Variants in FGF11 observed in about 807,000 individuals in gnomAD.
FGF11 encodes the protein fibroblast growth factor 11, also known as fibroblast growth factor homologous factor 3.
FGF11 carries 25 observed loss-of-function variants against 25.1 expected under a neutral mutation model. The ratio of observed to expected loss-of-function variants is 1.00; its 90% CI spans 0.73 to 1.39. The LOEUF (loss-of-function observed/expected upper bound fraction) is 1.39. Ranked by LOEUF, FGF11 falls within the 40% of genes most tolerant of loss-of-function variation. The pLI is 0.00. For synonymous variants in FGF11, 130 were observed against 128.9 expected (o/e 1.01, Z -0.06); for missense variants, 320 against 311.0 (o/e 1.03, Z -0.22).
At chr17:7,441,329 G>T (rs997817553) in intron 1 of FGF11, 142 bp from the exon 2 acceptor site, 3 of 1,128,660 alleles carry the variant, frequency 2.7e-6, no homozygotes, top group Non-Finnish European at 3.7e-6. Context: ...GGGAGAGAGC[G>T]TGCTTGGAGG....
chr17:7,439,255 T>G, upstream of FGF11: 1 of 189,326 alleles, frequency 5.3e-6, no homozygotes, highest in Non-Finnish European at 1.1e-5. Context: ...TGCCTGAAGA[T>G]ATTTAAACCA....
At chr17:7,439,292 C>G, upstream of FGF11, 1 of 259,590 alleles carries the variant, frequency 3.9e-6, no homozygotes. Flanking sequence ...TGGGTCTTGG[C>G]TTTGGGATAG....
chr17:7,443,291 C>T lies in FGF11; in HGVS notation c.*145C>T, dbSNP rs1162150492. The T allele has an allele frequency of 3.4e-6, 2 of 591,240 alleles. No individual in the cohort carries two copies. Among genetic ancestry groups the T allele is most frequent in the South Asian group, 2.2e-5 (1 of 46,356 alleles). The allele number at this position is 591,240 out of a possible 1,614,324, so 36.6% of individuals were successfully genotyped here. A position where few individuals can be genotyped will look rare whatever the true frequency, so the allele number is the denominator to read the frequency against. The stretch of plus-strand genomic sequence containing the variant: ...CACTAGGTGCTCTACCCTGAGGGAG[C>T]CTAGGGGCTGACTGTGACTTCCGAG... On this transcript the variant is annotated 3_prime_UTR_variant, in exon 5 of 5. Coordinates refer to ENST00000293829, the MANE Select transcript of FGF11 (RefSeq NM_004112.4).
Position 7,440,886 on chromosome 17 carries a change from GC to G in FGF11, c.194-580del. 3.0e-6 allele frequency: 3 copies of G among 990,206 alleles called. No homozygotes were observed. The highest frequency in any genetic ancestry group is 3.6e-6 in the Non-Finnish European group (3 of 832,936). 61.3% of individuals were successfully genotyped at this position (990,206 alleles called of 1,614,324 possible). A position where few individuals can be genotyped will look rare whatever the true frequency, so the allele number is the denominator to read the frequency against. ...GAGGCTGAGCCTCAGGGAGAACTGG[GC>G]CCCCGGGAGCCAGCGGACTGACAGA... On this transcript the variant is annotated intron_variant, in intron 1 of 4. Coordinates refer to ENST00000293829, the MANE Select transcript of FGF11 (RefSeq NM_004112.4). This position sits in a 1 kb window ranked among gnomAD's most constrained non-coding sequence, Gnocchi z 5.4.
At chr17:7,442,457 G>A (rs1488594931) in intron 3 of FGF11, 137 bp from the exon 4 acceptor site, 5 of 1,519,022 alleles carry the variant, frequency 3.3e-6, no homozygotes, top group Non-Finnish European at 3.5e-6. Context: ...TTTGCTCCCA[G>A]GTCCTACATG....
Position 7,444,253 on chromosome 17 carries a change from ATAG to A in FGF11, c.*1111_*1113del, listed in dbSNP as rs978631157. On this transcript the variant is annotated 3_prime_UTR_variant, in exon 5 of 5. Transcript: ENST00000293829. ...GGAATTTTGGAAGGATCCCTGGCTCATAGTAGGGAAGCTGGGATGGGGGAGGGG... is the reference window on the plus strand; with the variant it reads ...GGAATTTTGGAAGGATCCCTGGCTCATAGGGAAGCTGGGATGGGGGAGGGG... 1 of 152,616 alleles carries A rather than the reference ATAG, an allele frequency of 6.6e-6. No individual in the cohort carries two copies. Among genetic ancestry groups the A allele is most frequent in the Non-Finnish European group, 1.5e-5 (1 of 68,030 alleles). The allele number at this position is 152,616 out of a possible 1,614,324, so 9.5% of individuals were successfully genotyped here. A position where few individuals can be genotyped will look rare whatever the true frequency, so the allele number is the denominator to read the frequency against.
chr17:7,442,590 T>G lies in FGF11; in HGVS notation c.409-4T>G, dbSNP rs376303395. The G allele has an allele frequency of 9.3e-6, 15 of 1,614,216 alleles. No individual in the cohort carries two copies. Among genetic ancestry groups the G allele is most frequent in the Non-Finnish European group, 1.3e-5 (15 of 1,180,026 alleles). ...TGCGCCTTTCTGGGTCTTTGTCTCCTTAGCCGCATTTCACAGCTGAGTGTC... is the reference window on the plus strand; with the variant it reads ...TGCGCCTTTCTGGGTCTTTGTCTCCGTAGCCGCATTTCACAGCTGAGTGTC... On this transcript the variant is annotated splice_region_variant and splice_polypyrimidine_tract_variant and intron_variant, in intron 3 of 4. Transcript: ENST00000293829.
At chr17:7,441,289 C>T (rs532474547) in intron 1 of FGF11, 182 bp from the exon 2 acceptor site, 2 of 762,636 alleles carry the variant, frequency 2.6e-6, no homozygotes, top group East Asian at 2.8e-5. Flanking sequence ...AAGGGACCCA[C>T]ACCAGCTTTC....
upstream of FGF11, chr17:7,439,367 A>C: frequency 2.7e-6 from 1 of 365,054 alleles, no homozygotes; most frequent in Non-Finnish European, 4.8e-6. Flanking sequence ...GCAAAACTCG[A>C]GGGTGGGATC....
intron 1 of FGF11, 83 bp downstream of exon 1, chr17:7,439,896 C>T (rs1908235793): frequency 1.7e-6 from 2 of 1,189,150 alleles, no homozygotes; most frequent in South Asian, 3.9e-5. Flanking sequence ...AGAATAGGGC[C>T]CGGCTGAGGG....
In FGF11 at chr17:7,440,998, C is replaced by G. The variant is rs1908297883; in HGVS notation, c.194-473C>G. On this transcript the variant is annotated intron_variant, in intron 1 of 4. Transcript: ENST00000293829. This position sits in a 1 kb window ranked among gnomAD's most constrained non-coding sequence, Gnocchi z 5.4. Reference sequence around the variant, plus strand: ...GCTCTCGCCAAGCTAGCGGCAGCCGCAGCAGGTGCTGAGTCAGCGTCAGGC... The same window carrying G: ...GCTCTCGCCAAGCTAGCGGCAGCCGGAGCAGGTGCTGAGTCAGCGTCAGGC... 1 of 992,500 alleles carries G rather than the reference C, an allele frequency of 1.0e-6. No individual in the cohort carries two copies. Among genetic ancestry groups the G allele is most frequent in the Admixed American group, 5.3e-5 (1 of 18,992 alleles). The allele number at this position is 992,500 out of a possible 1,614,324, so 61.5% of individuals were successfully genotyped here.
chr17:7,439,250 G>C (rs979340691), upstream of FGF11: 3 of 197,428 alleles, frequency 1.5e-5, no homozygotes, highest in African/African-American at 2.3e-5. Flanking sequence ...AAAGGTGCCT[G>C]AAGATATTTA....
Position 7,444,849 on chromosome 17 carries a change from C to T in FGF11, c.*1703C>T. 1.8e-6 allele frequency: 1 copy of T among 566,768 alleles called. No individual in the cohort carries two copies. Among genetic ancestry groups the T allele is most frequent in the East Asian group, 3.0e-5 (1 of 33,618 alleles). The allele number at this position is 566,768 out of a possible 1,614,324, so 35.1% of individuals were successfully genotyped here. ...TGCCCCCTCACCCACACAAACCCCA[C>T]TCAGTCTCCACCCAACTCCTGGCAC... On this transcript the variant is annotated 3_prime_UTR_variant, in exon 5 of 5. Transcript: ENST00000293829.
chr17:7,439,345 T>G, upstream of FGF11: 1 of 337,624 alleles, frequency 3.0e-6, no homozygotes, highest in East Asian at 4.8e-5. Context: ...AAGGGGACGT[T>G]TTCAATAGGA....
At chr17:7,441,740 G>A in intron 2 of FGF11, 36 bp from the exon 3 acceptor site, 1 of 1,573,586 alleles carries the variant, frequency 6.4e-7, no homozygotes. Flanking sequence ...GAGGGTCAGA[G>A]GCCTGGGTAT....
Position 7,440,525 on chromosome 17 carries a change from G to A in FGF11, c.193+712G>A, listed in dbSNP as rs1054127837. ...GCTAGAGATGGGCGCCGACTCGGGGGTCGTACCACCTACAAGGGGGGACAG... is the reference window on the plus strand; with the variant it reads ...GCTAGAGATGGGCGCCGACTCGGGGATCGTACCACCTACAAGGGGGGACAG... On this transcript the variant is annotated intron_variant, in intron 1 of 4. Coordinates refer to ENST00000293829, the MANE Select transcript of FGF11 (RefSeq NM_004112.4). This position sits in a 1 kb window ranked among gnomAD's most constrained non-coding sequence, Gnocchi z 5.4. 7 of 357,142 alleles carry A rather than the reference G, an allele frequency of 2.0e-5. No individual in the cohort carries two copies. Among genetic ancestry groups the A allele is most frequent in the African/African-American group, 1.3e-4 (6 of 45,126 alleles). 22.1% of individuals were successfully genotyped at this position (357,142 alleles called of 1,614,324 possible). A position where few individuals can be genotyped will look rare whatever the true frequency, so the allele number is the denominator to read the frequency against.
Position 7,444,727 on chromosome 17 carries a change from G to A in FGF11, c.*1581G>A, listed in dbSNP as rs1908509018. On this transcript the variant is annotated 3_prime_UTR_variant, in exon 5 of 5. Coordinates refer to ENST00000293829, the MANE Select transcript of FGF11 (RefSeq NM_004112.4). Reference sequence around the variant, plus strand: ...CTTCCATAGCCTCAGACTTGGATAGGGTAGGCTGAGGGGGCCCTAAGGGAG... The same window carrying A: ...CTTCCATAGCCTCAGACTTGGATAGAGTAGGCTGAGGGGGCCCTAAGGGAG... 4 of 283,758 alleles carry A rather than the reference G, an allele frequency of 1.4e-5. No homozygotes were observed. The allele number at this position is 283,758 out of a possible 1,614,324, so 17.6% of individuals were successfully genotyped here.
chr17:7,441,087 TC>T, intron 1 of FGF11: 1 of 428,778 alleles, frequency 2.3e-6, no homozygotes, highest in Non-Finnish European at 3.4e-6. Context: ...GCTGCCAAGA[TC>T]CCCCACCTTC....
chr17:7,439,714 C>A lies in FGF11; in HGVS notation c.94C>A (p.Pro32Thr). 2.5e-6 allele frequency: 4 copies of A among 1,570,768 alleles called. No homozygotes were observed. Among genetic ancestry groups the A allele is most frequent in the Non-Finnish European group, 3.4e-6 (4 of 1,163,436 alleles). The change falls in exon 1 of 5, where the codon CCC becomes ACC. Residue 32 changes from proline (P) to threonine (T), a missense_variant. Physicochemically the swap from Pro to Thr is conservative, Grantham distance 38. Coordinates refer to ENST00000293829, the MANE Select transcript of FGF11 (RefSeq NM_004112.4). The stretch of plus-strand genomic sequence containing the variant: ...GGTGTCGGCGCAGCGGCGCGTGTGT[C>A]CCCGCGGCACCAAGTCCCTTTGCCA... ...RPVSAQRRVC[P>T]RGTKSLCQKQ...
Sources: allele counts gnomAD v4.1 joint callset, GRCh38; gene constraint gnomAD v4.1.1; non-coding constraint Gnocchi (gnomAD v3.1); transcripts MANE v1.5; gene names NCBI Gene and HGNC (gene_info 2026-07-23, HGNC 2026-07-21).